The following RGS14 variants were observed in gnomAD, a reference collection of about 807,000 sequenced individuals.
The protein encoded by RGS14 is regulator of G protein signaling 14, also known as regulator of G-protein signaling 14.
In RGS14, 33 loss-of-function variants were observed where a neutral mutation model predicts 63.8. The observed-to-expected ratio is 0.52, with a 90% CI of 0.39 to 0.69. RGS14 has a LOEUF of 0.69. Ranked by LOEUF, RGS14 falls within the 30% of genes least tolerant of loss-of-function variation. The probability of loss-of-function intolerance (pLI) is 0.00; values close to 1 mark genes in which losing one functional copy is unlikely to be tolerated. For missense variants in RGS14, 739 were observed against 742.9 expected (o/e 0.99, Z 0.06); for synonymous variants, 296 against 320.9 (o/e 0.92, Z 0.83).
At position 177,368,840 on chromosome 5, in the gene RGS14, C is replaced by A; in HGVS notation, c.973C>A (p.Arg325=). ...CCTGGCCAGACCTGGCCTCACCATC[C>A]GAGACATGCTGGCAGGGATCTGTGA... The part of the protein sequence containing the change: ...LALARPGLTI[R]DMLAGICEKR... The change falls in exon 9 of 15, where the codon CGA becomes AGA. Residue 325 remains arginine, a synonymous_variant. Coordinates refer to ENST00000408923, the MANE Select transcript of RGS14 (RefSeq NM_006480.5). 1 of 1,614,252 alleles carries A rather than the reference C, an allele frequency of 6.2e-7. No individual in the cohort carries two copies.
chr5:177,367,863 C>A (rs375742705), intron 7 of RGS14, 38 bp downstream of exon 7: 1 of 1,516,254 alleles, frequency 6.6e-7, no homozygotes, highest in Non-Finnish European at 8.8e-7. Flanking sequence ...GTGGGGAAGG[C>A]GGGAGTTTGG....
rs974222659 is a variant in RGS14, at chr5:177,370,843, C to T, written c.1128-62C>T. On this transcript the variant is annotated intron_variant, in intron 10 of 14. Coordinates refer to ENST00000408923, the MANE Select transcript of RGS14 (RefSeq NM_006480.5). ...CAAGCTCCACCCCCTCGCGTTTGTC[C>T]TGGGAAGGGTTTGGCGGGGGGCCGG... The T allele has an allele frequency of 9.7e-5, 154 of 1,588,800 alleles. 1 individual carries two copies. In the East Asian group the frequency reaches 3.3e-3, roughly 34 times the overall value.
In RGS14 at chr5:177,367,780, G is replaced by A. The variant is rs1213250012; in HGVS notation, c.694G>A (p.Val232Ile). 6.2e-7 allele frequency: 1 copy of A among 1,611,834 alleles called. No individual in the cohort carries two copies. Reference protein sequence around the residue: ...GVEELGQLPPVEGPGGRPLRK... With the variant: ...GVEELGQLPPIEGPGGRPLRK... Reference sequence around the variant, plus strand: ...GGAGGAGTTGGGGCAGCTGCCACCCGTTGAGGGTCCTGGGGGCCGCCCTCT... The same window carrying A: ...GGAGGAGTTGGGGCAGCTGCCACCCATTGAGGGTCCTGGGGGCCGCCCTCT... Residue 232 changes from valine (V) to isoleucine (I), a missense_variant, in exon 7 of 15, where the codon GTT (valine) becomes ATT (isoleucine). Coordinates refer to ENST00000408923, the MANE Select transcript of RGS14 (RefSeq NM_006480.5).
Position 177,371,822 on chromosome 5 carries a change from G to A in RGS14, c.1499-51G>A. ...AAGGCAGTGGGACTATCGTGGGCTGGCATATAGGCAGGTCTGCTGGGGGGA... is the reference window on the plus strand; with the variant it reads ...AAGGCAGTGGGACTATCGTGGGCTGACATATAGGCAGGTCTGCTGGGGGGA... On this transcript the variant is annotated intron_variant, in intron 14 of 14. Coordinates refer to ENST00000408923, the MANE Select transcript of RGS14 (RefSeq NM_006480.5). This position sits in a 1 kb window ranked among gnomAD's most constrained non-coding sequence, Gnocchi z 6.1. 6.4e-7 allele frequency: 1 copy of A among 1,559,376 alleles called. No individual in the cohort carries two copies. Among genetic ancestry groups the A allele is most frequent in the East Asian group, 2.2e-5 (1 of 44,490 alleles).
chr5:177,371,502 G>A lies in RGS14; in HGVS notation c.1411G>A (p.Ala471Thr), dbSNP rs1762269804. The A allele has an allele frequency of 3.1e-6, 5 of 1,614,076 alleles. No individual in the cohort carries two copies. The highest frequency in any genetic ancestry group is 4.2e-6 in the Non-Finnish European group (5 of 1,179,988). Residue 471 changes from alanine to threonine, a missense_variant, in exon 14 of 15, where the codon GCC (alanine) becomes ACC (threonine). By Grantham distance (58) the Ala-to-Thr change is moderately conservative. Coordinates refer to ENST00000408923, the MANE Select transcript of RGS14 (RefSeq NM_006480.5). The surrounding 1 kb of genome is among the most constrained non-coding windows in gnomAD (Gnocchi z 6.1). ...CTGCCCACCTAGAACTCAGGATAAG[G>A]CCACCCATCCCCCTCCAGCGTCCCC... ...QGCPPRTQDK[A>T]THPPPASPSS...
In RGS14 at chr5:177,366,251, A is replaced by T. The variant is rs934048446; in HGVS notation, c.142A>T (p.Ser48Cys). The T allele has an allele frequency of 1.9e-6, 3 of 1,587,192 alleles. No individual in the cohort carries two copies. The highest frequency in any genetic ancestry group is 2.6e-6 in the Non-Finnish European group (3 of 1,167,858). ...CTCTCTCAGCATCCACAGCCTCCCC[A>T]GTGGTCCCAGCAGCCCCTTCCCAAC... ...GSSLSIHSLP[S>C]GPSSPFPTEE... The change falls in exon 3 of 15, where the codon AGT (serine) becomes TGT (cysteine). Residue 48 changes from serine (S) to cysteine (C), a missense_variant. By Grantham distance (112) the Ser-to-Cys change is moderately radical. Transcript: ENST00000408923.
chr5:177,367,314 A>G, intron 5 of RGS14, 100 bp from the exon 6 acceptor site: 2 of 1,432,016 alleles, frequency 1.4e-6, no homozygotes. Flanking sequence ...ATCCAGCCCT[A>G]GGTTTGGGGC....
At position 177,364,184 on chromosome 5, in the gene RGS14, T is replaced by TG. The variant is rs1762039213; in HGVS notation, c.46-1773dup. Reference sequence around the variant, plus strand: ...AGGTTCCATTCAGGAGGGTGGGGGTTGGGGGGCTTTCCGGGGTGGAGATGT... The same window carrying TG: ...AGGTTCCATTCAGGAGGGTGGGGGTTGGGGGGGCTTTCCGGGGTGGAGATGT... On this transcript the variant is annotated intron_variant, in intron 1 of 14. Transcript: ENST00000408923. The surrounding 1 kb of genome is among the most constrained non-coding windows in gnomAD (Gnocchi z 4.6). 2.0e-5 allele frequency among the ~76,000 whole-genome samples: 3 copies of TG among 147,108 alleles called. No homozygotes were observed. The highest frequency in any genetic ancestry group is 6.8e-5 in the Admixed American group (1 of 14,776).
intron 1 of RGS14, among the ~76,000 whole-genome samples, chr5:177,363,978 T>TA (rs916104766): frequency 1.0e-3 from 156 of 152,340 alleles, no homozygotes; most frequent in African/African-American, 3.6e-3. Context: ...AAGTGGAATT[T>TA]AAAATCTCTT....
rs778628810 is a variant in RGS14, at chr5:177,358,192, G to A, written c.45+123G>A. ...GGGCTGCCAGCAGGCGAGAGAAGTTGGGTACAGACAGCAGCAGGTGGTAGG... is the reference window on the plus strand; with the variant it reads ...GGGCTGCCAGCAGGCGAGAGAAGTTAGGTACAGACAGCAGCAGGTGGTAGG... On this transcript the variant is annotated intron_variant, in intron 1 of 14. Coordinates refer to ENST00000408923, the MANE Select transcript of RGS14 (RefSeq NM_006480.5). This position sits in a 1 kb window ranked among gnomAD's most constrained non-coding sequence, Gnocchi z 4.8. 184 of 789,158 alleles carry A rather than the reference G, an allele frequency of 2.3e-4. No homozygotes were observed. The highest frequency in any genetic ancestry group is 3.0e-4 in the Non-Finnish European group (173 of 571,994). 48.9% of individuals were successfully genotyped at this position (789,158 alleles called of 1,614,324 possible). A position where few individuals can be genotyped will look rare whatever the true frequency, so the allele number is the denominator to read the frequency against.
At position 177,364,514 on chromosome 5, in the gene RGS14, G is replaced by A. The variant is rs1237249290; in HGVS notation, c.46-1449G>A. ...GGCTGCCTGGCCCTGCCCTCCTCGC[G>A]CACACCCTGAGCCTCTGTCCTGCCC... On this transcript the variant is annotated intron_variant, in intron 1 of 14. Coordinates refer to ENST00000408923, the MANE Select transcript of RGS14 (RefSeq NM_006480.5). The surrounding 1 kb of genome is among the most constrained non-coding windows in gnomAD (Gnocchi z 4.6). Among the ~76,000 whole-genome samples, 2 of 152,144 alleles carry A rather than the reference G, an allele frequency of 1.3e-5. No individual in the cohort carries two copies. The highest frequency in any genetic ancestry group is 2.9e-5 in the Non-Finnish European group (2 of 68,014).
chr5:177,368,269 G>A lies in RGS14; in HGVS notation c.849+3G>A, dbSNP rs1046423796. On this transcript the variant is annotated splice_donor_region_variant and intron_variant, in intron 8 of 14. Transcript: ENST00000408923. ...CCTTCGTCAGCAGCAAATCTGAGGT[G>A]AGCCGACTGTTGGGGAAGACAAGAT... 1.9e-6 allele frequency: 3 copies of A among 1,609,000 alleles called. No homozygotes were observed. Among genetic ancestry groups the A allele is most frequent in the African/African-American group, 1.3e-5 (1 of 74,854 alleles).
rs985661316 is a variant in RGS14, at chr5:177,358,119, A to G, written c.45+50A>G. On this transcript the variant is annotated intron_variant, in intron 1 of 14. Coordinates refer to ENST00000408923, the MANE Select transcript of RGS14 (RefSeq NM_006480.5). This position sits in a 1 kb window ranked among gnomAD's most constrained non-coding sequence, Gnocchi z 4.8. Reference sequence around the variant, plus strand: ...CCACGAGGAGGGGGTGGGCACACCCAGGGTGGAGCCCAGGAGGCACACCCG... The same window carrying G: ...CCACGAGGAGGGGGTGGGCACACCCGGGGTGGAGCCCAGGAGGCACACCCG... The G allele has an allele frequency of 7.8e-7, 1 of 1,285,492 alleles. No homozygotes were observed. Among genetic ancestry groups the G allele is most frequent in the Non-Finnish European group, 1.0e-6 (1 of 1,001,778 alleles). The allele number at this position is 1,285,492 out of a possible 1,614,324, so 79.6% of individuals were successfully genotyped here.
rs1382927097 is a variant in RGS14, at chr5:177,358,023, G to C, written c.-2G>C. On this transcript the variant is annotated 5_prime_UTR_variant, in exon 1 of 15. Transcript: ENST00000408923. This position sits in a 1 kb window ranked among gnomAD's most constrained non-coding sequence, Gnocchi z 4.8. ...CGGCGGGGACCCCTGATCGGCAGCG[G>C]CATGCCAGGGAAGCCCAAGCACCTG... 1.5e-6 allele frequency: 2 copies of C among 1,358,974 alleles called. No individual in the cohort carries two copies. Among genetic ancestry groups the C allele is most frequent in the Non-Finnish European group, 1.9e-6 (2 of 1,045,926 alleles). The allele number at this position is 1,358,974 out of a possible 1,614,324, so 84.2% of individuals were successfully genotyped here.
At position 177,368,712 on chromosome 5, in the gene RGS14, A is replaced by G. The variant is rs373449623; in HGVS notation, c.850-5A>G. 3.9e-5 allele frequency: 63 copies of G among 1,613,764 alleles called. No individual in the cohort carries two copies. The African/African-American group carries it at 8.1e-4, about 21-fold the overall frequency. On this transcript the variant is annotated splice_region_variant and splice_polypyrimidine_tract_variant and intron_variant, in intron 8 of 14. Coordinates refer to ENST00000408923, the MANE Select transcript of RGS14 (RefSeq NM_006480.5). ...ATAATCTCCCCCACTCCTGCCATGA[A>G]TCAGAGCCACCGGAAGAGCCTTGGG... is the stretch of plus-strand genomic sequence containing the variant.
chr5:177,368,362 T>TA, intron 8 of RGS14, 96 bp downstream of exon 8: 1 of 1,300,144 alleles, frequency 7.7e-7, no homozygotes, highest in Non-Finnish European at 1.0e-6. Flanking sequence ...TTGCTGTCCT[T>TA]ACTGCGTCTC....
In RGS14 at chr5:177,367,720, A is replaced by G. The variant is rs1033756602; in HGVS notation, c.634A>G (p.Lys212Glu). 1.9e-6 allele frequency: 3 copies of G among 1,612,826 alleles called. No individual in the cohort carries two copies. Among genetic ancestry groups the G allele is most frequent in the African/African-American group, 2.7e-5 (2 of 74,916 alleles). ...GCCTCCCCTGTACCCACAGAAGCCG[A>G]AGCTGAAGCCCGGGAAGTCGCTGCC... Reference protein sequence around the residue: ...GSPDATRKKPKLKPGKSLPLG... With the variant: ...GSPDATRKKPELKPGKSLPLG... The change falls in exon 7 of 15, where the codon AAG becomes GAG. Residue 212 changes from lysine to glutamate, a missense_variant. Coordinates refer to ENST00000408923, the MANE Select transcript of RGS14 (RefSeq NM_006480.5).
chr5:177,371,586 G>A lies in RGS14; in HGVS notation c.1495G>A (p.Glu499Lys), dbSNP rs1204441848. 4.8e-5 allele frequency: 77 copies of A among 1,612,990 alleles called. No individual in the cohort carries two copies. The highest frequency in any genetic ancestry group is 6.4e-5 in the Non-Finnish European group (75 of 1,178,948). ...TGGAAAGCGGCAGACCTGTGACATC[G>A]AAGGTACATGGTGGATGAGCTGGGG... is the stretch of plus-strand genomic sequence containing the variant. ...ATGKRQTCDI[E>K]GLVELLNRVQ... Residue 499 changes from glutamate (E) to lysine (K), a missense_variant, in exon 14 of 15, where the codon GAA (glutamate) becomes AAA (lysine). By Grantham distance (56) the Glu-to-Lys change is moderately conservative (BLOSUM62 1). Coordinates refer to ENST00000408923, the MANE Select transcript of RGS14 (RefSeq NM_006480.5). The surrounding 1 kb of genome is among the most constrained non-coding windows in gnomAD (Gnocchi z 6.1).
In RGS14 at chr5:177,365,957, T is replaced by C; in HGVS notation, c.46-6T>C. 2 of 1,613,988 alleles carry C rather than the reference T, an allele frequency of 1.2e-6. No homozygotes were observed. Among genetic ancestry groups the C allele is most frequent in the Non-Finnish European group, 1.7e-6 (2 of 1,179,812 alleles). On this transcript the variant is annotated splice_region_variant and splice_polypyrimidine_tract_variant and intron_variant, in intron 1 of 14. Coordinates refer to ENST00000408923, the MANE Select transcript of RGS14 (RefSeq NM_006480.5). ...CTTCTGACTTTCTCTGTTGGGTCTC[T>C]TATAGGTTCTGGCTGTGTCAGATGG... is the stretch of plus-strand genomic sequence containing the variant.
Sources: allele counts gnomAD v4.1 joint callset (sites outside exome capture counted in the v4.1 genomes callset), GRCh38; gene constraint gnomAD v4.1.1; non-coding constraint Gnocchi (gnomAD v3.1); transcripts MANE v1.5; gene names NCBI Gene and HGNC (gene_info 2026-07-23, HGNC 2026-07-21).